FAM168A: variants seen among roughly 807,000 people sequenced by gnomAD.
FAM168A encodes protein FAM168A.
Under a neutral mutation model 28.5 loss-of-function variants are expected in FAM168A, and 3 were observed. The ratio of observed to expected loss-of-function variants is 0.11; its 90% CI spans 0.05 to 0.27. FAM168A has a LOEUF of 0.27. FAM168A is among the 10% of genes least tolerant of loss of function. The pLI, the probability that FAM168A is intolerant of heterozygous loss-of-function variation, is 1.00. For synonymous variants in FAM168A, 122 were observed against 124.2 expected, an observed-to-expected ratio of 0.98 and a Z score of 0.12; for missense variants, 222 against 311.5, an observed-to-expected ratio of 0.71 and a Z score of 2.16.
At chr11:73,511,392 A>T (rs973390177) in intron 1 of FAM168A, among the ~76,000 whole-genome samples, 3 of 151,758 alleles carry the variant, frequency 2.0e-5, no homozygotes, top group Admixed American at 1.3e-4. Context: ...ACCGGCCACT[A>T]CGCCCGGCTA....
chr11:73,541,372 CTT>C (rs1227186087), intron 1 of FAM168A, among the ~76,000 whole-genome samples: 1 of 142,832 alleles, frequency 7.0e-6, no homozygotes, highest in African/African-American at 2.6e-5. Context: ...GCCTAAACTT[CTT>C]TTTTTTTTTT....
At chr11:73,438,133 A>G (rs915329988) in intron 2 of FAM168A, among the ~76,000 whole-genome samples, 6 of 152,168 alleles carry the variant, frequency 3.9e-5, no homozygotes, top group African/African-American at 1.4e-4. Flanking sequence ...CATCATCATC[A>G]TCACCATCAT....
chr11:73,406,327 A>G lies in FAM168A; in HGVS notation c.*436T>C. 6.6e-6 allele frequency: 1 copy of G among 152,350 alleles called. No individual in the cohort carries two copies. Among genetic ancestry groups the G allele is most frequent in the Non-Finnish European group, 1.5e-5 (1 of 68,048 alleles). The allele number at this position is 152,350 out of a possible 1,614,324, so 9.4% of individuals were successfully genotyped here. A position where few individuals can be genotyped will look rare whatever the true frequency, so the allele number is the denominator to read the frequency against. ...AACCAGAACACTCCCCTAGAGATGT[A>G]GCCTGCTCAACAGCTCTGAGTTCCT... On this transcript the variant is annotated 3_prime_UTR_variant, in exon 8 of 8. Transcript: ENST00000356467.
chr11:73,574,958 G>A (rs1944154333), intron 1 of FAM168A, among the ~76,000 whole-genome samples: 1 of 151,896 alleles, frequency 6.6e-6, no homozygotes, highest in Non-Finnish European at 1.5e-5. Context: ...CTCAATAAAG[G>A]AAACCAACAT....
At chr11:73,575,427 A>G (rs1944160327) in intron 1 of FAM168A, among the ~76,000 whole-genome samples, 1 of 152,224 alleles carries the variant, frequency 6.6e-6, no homozygotes, top group African/African-American at 2.4e-5. Context: ...AGAATGTCTT[A>G]CCCTGTAATT....
chr11:73,517,270 A>T (rs1244206553), intron 1 of FAM168A, among the ~76,000 whole-genome samples: 1 of 152,120 alleles, frequency 6.6e-6, no homozygotes, highest in East Asian at 1.9e-4. Flanking sequence ...GTCTTAAATG[A>T]TCCTCTCACC....
At chr11:73,531,008 CA>C (rs1565285724) in intron 1 of FAM168A, among the ~76,000 whole-genome samples, 1 of 152,136 alleles carries the variant, frequency 6.6e-6, no homozygotes, top group African/African-American at 2.4e-5. Flanking sequence ...GATGAACTAA[CA>C]AATCCCTCCC....
At chr11:73,420,492 A>G (rs1866772429) in intron 3 of FAM168A, among the ~76,000 whole-genome samples, 2 of 152,214 alleles carry the variant, frequency 1.3e-5, no homozygotes, top group Admixed American at 1.3e-4. Flanking sequence ...CTGGACTACC[A>G]TCTCTTCTGA....
intron 1 of FAM168A, among the ~76,000 whole-genome samples, chr11:73,530,136 C>T (rs75971171): frequency 0.082 from 12,458 of 152,130 alleles, 1,549 homozygotes; most frequent in African/African-American, 0.27. Context: ...ACTTCTGGGA[C>T]AATGCAGATA....
intron 3 of FAM168A, among the ~76,000 whole-genome samples, chr11:73,427,052 C>T (rs983054892): frequency 2.0e-5 from 3 of 151,882 alleles, no homozygotes; most frequent in African/African-American, 2.4e-5. Flanking sequence ...AGTGCAGTGG[C>T]GCAATCTTGG....
intron 1 of FAM168A, among the ~76,000 whole-genome samples, chr11:73,578,849 G>A (rs1210188469): frequency 6.6e-6 from 1 of 152,156 alleles, no homozygotes; most frequent in East Asian, 1.9e-4. Flanking sequence ...TTCTAAATCT[G>A]TATTCACCTT....
intron 3 of FAM168A, among the ~76,000 whole-genome samples, chr11:73,421,107 A>G (rs1005575172): frequency 2.6e-5 from 4 of 151,834 alleles, no homozygotes; most frequent in Non-Finnish European, 5.9e-5. Context: ...GCTATATAGT[A>G]TATTAGCAGA....
intron 1 of FAM168A, among the ~76,000 whole-genome samples, chr11:73,570,310 C>T (rs886136584): frequency 1.3e-5 from 2 of 152,020 alleles, no homozygotes; most frequent in African/African-American, 2.4e-5. Flanking sequence ...GGCACAAACC[C>T]GGCATAAAAC....
At chr11:73,464,841 A>G (rs1201750853) in intron 2 of FAM168A, among the ~76,000 whole-genome samples, 1 of 151,492 alleles carries the variant, frequency 6.6e-6, no homozygotes, top group Non-Finnish European at 1.5e-5. Context: ...CGTGTGAGGA[A>G]GGCATTCCTA....
intron 1 of FAM168A, among the ~76,000 whole-genome samples, chr11:73,590,946 C>A (rs899621084): frequency 3.9e-5 from 6 of 152,140 alleles, no homozygotes; most frequent in African/African-American, 1.4e-4. Flanking sequence ...GGTTCAAGAC[C>A]AGCCTGGCCA....
intron 1 of FAM168A, among the ~76,000 whole-genome samples, chr11:73,591,346 G>T (rs1944379145): frequency 6.6e-6 from 1 of 152,062 alleles, no homozygotes; most frequent in Non-Finnish European, 1.5e-5. Context: ...TCTGTAAAAT[G>T]ATCACAATTC....
chr11:73,532,443 A>C (rs1180429201), intron 1 of FAM168A, among the ~76,000 whole-genome samples: 1 of 152,198 alleles, frequency 6.6e-6, no homozygotes, highest in Non-Finnish European at 1.5e-5. Context: ...TTCCCAATTC[A>C]TGACAAATCC....
intron 1 of FAM168A, among the ~76,000 whole-genome samples, chr11:73,541,561 C>T (rs1943658261): frequency 6.6e-6 from 1 of 151,800 alleles, no homozygotes; most frequent in Admixed American, 6.6e-5. Flanking sequence ...TTAGTACAGA[C>T]AGGGTTTCAC....
chr11:73,498,274 C>G (rs538154328), intron 1 of FAM168A, among the ~76,000 whole-genome samples: 173 of 152,280 alleles, frequency 1.1e-3, no homozygotes, highest in Non-Finnish European at 2.1e-3. Flanking sequence ...AAAGGAAGAG[C>G]AGTGCGGTAC....
Sources: allele counts gnomAD v4.1 joint callset (sites outside exome capture counted in the v4.1 genomes callset), GRCh38; gene constraint gnomAD v4.1.1; transcripts MANE v1.5; gene names NCBI Gene and HGNC (gene_info 2026-07-23, HGNC 2026-07-21).